EPHA5: variants seen among roughly 807,000 people sequenced by gnomAD.
The protein encoded by EPHA5 is ephrin type-A receptor 5.
In EPHA5, 60 loss-of-function variants were observed where a neutral mutation model predicts 105.0. The ratio of observed to expected loss-of-function variants is 0.57; its 90% CI spans 0.46 to 0.71. The LOEUF is 0.71. Among genes scored for constraint, EPHA5 ranks in the 30% least tolerant of loss-of-function variants. The probability of loss-of-function intolerance (pLI) is 0.00; values close to 1 mark genes in which losing one functional copy is unlikely to be tolerated. For synonymous variants in EPHA5, 513 were observed against 449.1 expected (o/e 1.14, Z -1.80); for missense variants, 1,218 against 1,274.7 (o/e 0.96, Z 0.68).
chr4:65,410,784 A>G (rs1393546267), intron 7 of EPHA5, among the ~76,000 whole-genome samples: 1 of 152,212 alleles, frequency 6.6e-6, no homozygotes, highest in Non-Finnish European at 1.5e-5. Context: ...TAAAAAACAC[A>G]ATATCATTAT....
intron 14 of EPHA5, among the ~76,000 whole-genome samples, chr4:65,344,686 T>C (rs867821611): frequency 6.6e-6 from 1 of 152,130 alleles, no homozygotes; most frequent in Non-Finnish European, 1.5e-5. Context: ...GGCATTGCAA[T>C]GAGGTTTAGA....
At chr4:65,594,011 A>T (rs1742930921) in intron 3 of EPHA5, among the ~76,000 whole-genome samples, 1 of 152,166 alleles carries the variant, frequency 6.6e-6, no homozygotes, top group South Asian at 2.1e-4. Context: ...CTCTGTACAC[A>T]CTTTTCCCAT....
intron 3 of EPHA5, among the ~76,000 whole-genome samples, chr4:65,588,694 G>A (rs1033918375): frequency 2.0e-5 from 3 of 152,036 alleles, no homozygotes; most frequent in Admixed American, 2.0e-4. Flanking sequence ...TGCCTGGTTG[G>A]TCTGGTTTAT....
intron 3 of EPHA5, among the ~76,000 whole-genome samples, chr4:65,497,773 C>T (rs1387008600): frequency 1.3e-5 from 2 of 151,906 alleles, no homozygotes; most frequent in Non-Finnish European, 2.9e-5. Context: ...CCAAAGGGAG[C>T]TTTGGAAATA....
At chr4:65,487,534 A>G (rs1041772121) in intron 5 of EPHA5, among the ~76,000 whole-genome samples, 5 of 152,068 alleles carry the variant, frequency 3.3e-5, no homozygotes, top group East Asian at 1.9e-4. Context: ...AAGACCTTTG[A>G]TTGGTGTTCA....
intron 7 of EPHA5, among the ~76,000 whole-genome samples, chr4:65,412,078 C>T (rs950883484): frequency 6.6e-6 from 1 of 151,986 alleles, no homozygotes; most frequent in Non-Finnish European, 1.5e-5. Context: ...AAAATGCAAA[C>T]TTAGCCAGGC....
chr4:65,593,795 G>A (rs182238438), intron 3 of EPHA5, among the ~76,000 whole-genome samples: 2 of 152,170 alleles, frequency 1.3e-5, no homozygotes, highest in African/African-American at 4.8e-5. Context: ...GCCCAATGCC[G>A]TTAATCTGCT....
In EPHA5 at chr4:65,490,587, A is replaced by C. The variant is rs764464416; in HGVS notation, c.1192T>G (p.Cys398Gly). ...DVSYYIACKK[C>G]NSHAGVCEEC... ...TCACACACACCTGCATGGGAGTTGC[A>C]CTTCTTGCATGCAATATAATATGAC... is the stretch of plus-strand genomic sequence containing the variant. Residue 398 changes from cysteine (C) to glycine (G), a missense_variant, in exon 5 of 17, where the codon TGC becomes GGC. Around this residue, in one of 3 missense-constraint regions of EPHA5, gnomAD observed 971 missense variants for 1,013.5 expected, o/e 0.96. Transcript: ENST00000613740. The C allele has an allele frequency of 1.2e-6, 2 of 1,614,132 alleles. No homozygotes were observed. Among genetic ancestry groups the C allele is most frequent in the Non-Finnish European group, 1.7e-6 (2 of 1,180,006 alleles).
chr4:65,378,301 C>T (rs1719207832), intron 8 of EPHA5, among the ~76,000 whole-genome samples: 1 of 151,698 alleles, frequency 6.6e-6, no homozygotes, highest in Admixed American at 6.6e-5. Flanking sequence ...AAGAATATGC[C>T]AAATCATTAT....
chr4:65,408,890 C>T (rs1366440529), intron 7 of EPHA5, among the ~76,000 whole-genome samples: 2 of 152,008 alleles, frequency 1.3e-5, no homozygotes, highest in Admixed American at 6.6e-5. Context: ...CACATGCACA[C>T]ATATGTTTAT....
intron 8 of EPHA5, among the ~76,000 whole-genome samples, chr4:65,396,106 G>T (rs1470097578): frequency 1.3e-5 from 2 of 152,186 alleles, no homozygotes; most frequent in Non-Finnish European, 2.9e-5. Flanking sequence ...AGGCTCAGAC[G>T]TGCCTGCTCC....
intron 3 of EPHA5, among the ~76,000 whole-genome samples, chr4:65,515,177 T>C (rs1274408022): frequency 6.6e-6 from 1 of 152,178 alleles, no homozygotes; most frequent in Non-Finnish European, 1.5e-5. Context: ...ATTAAACATA[T>C]TCAACTGTCT....
Position 65,580,945 on chromosome 4 carries a change from G to A in EPHA5, c.910+20696C>T, listed in dbSNP as rs142048034. On this transcript the variant is annotated intron_variant, in intron 3 of 16. Coordinates refer to ENST00000613740, the MANE Select transcript of EPHA5 (RefSeq NM_001281766.3). ...ATCCCAAGTAATTACAAGAGATTTC[G>A]AAAATGTAGTGTAATTCAGGTTTTC... 2.3e-3 allele frequency among the ~76,000 whole-genome samples: 345 copies of A among 151,838 alleles called. 4 individuals carry two copies. Among genetic ancestry groups the A allele is most frequent in the African/African-American group, 7.4e-3 (308 of 41,516 alleles).
intron 8 of EPHA5, among the ~76,000 whole-genome samples, chr4:65,394,569 A>G (rs1721032049): frequency 1.3e-5 from 2 of 152,182 alleles, no homozygotes; most frequent in Non-Finnish European, 2.9e-5. Context: ...AGTATGCTCA[A>G]TTGAGAGAAC....
At chr4:65,537,550 C>G (rs1041466227) in intron 3 of EPHA5, among the ~76,000 whole-genome samples, 1 of 151,676 alleles carries the variant, frequency 6.6e-6, no homozygotes, top group Non-Finnish European at 1.5e-5. Flanking sequence ...CTCAATATAT[C>G]TTTTAGTTTA....
At chr4:65,384,972 C>G (rs1390794543) in intron 8 of EPHA5, among the ~76,000 whole-genome samples, 1 of 151,624 alleles carries the variant, frequency 6.6e-6, no homozygotes, top group African/African-American at 2.4e-5. Context: ...TGAAACACGT[C>G]TGTCTCGGGG....
rs1379793295 is a variant in EPHA5 at position 65,632,267 on chromosome 4, T to C, written c.246+11096A>G. 2.0e-5 allele frequency among the ~76,000 whole-genome samples: 3 copies of C among 152,032 alleles called. No individual in the cohort carries two copies. In the East Asian group the frequency reaches 5.8e-4, roughly 29 times the overall value. Reference sequence around the variant, plus strand: ...TATACATTAGTAAATTGGATCAAACTCAATGGAGGAGTAGCCCCATTGTTG... The same window carrying C: ...TATACATTAGTAAATTGGATCAAACCCAATGGAGGAGTAGCCCCATTGTTG... On this transcript the variant is annotated intron_variant, in intron 2 of 16. Transcript: ENST00000613740.
intron 1 of EPHA5, among the ~76,000 whole-genome samples, chr4:65,654,062 A>G (rs558340254): frequency 6.6e-6 from 1 of 152,118 alleles, no homozygotes; most frequent in Non-Finnish European, 1.5e-5. Context: ...TGCTGCTGAC[A>G]TGGCTATCGG....
chr4:65,381,355 T>C (rs1719541962), intron 8 of EPHA5, among the ~76,000 whole-genome samples: 1 of 151,774 alleles, frequency 6.6e-6, no homozygotes, highest in Non-Finnish European at 1.5e-5. Context: ...CATAGGCATA[T>C]GTCAAATGTG....
Sources: allele counts gnomAD v4.1 joint callset (sites outside exome capture counted in the v4.1 genomes callset), GRCh38; gene constraint gnomAD v4.1.1; regional missense constraint gnomAD v4.1.1; transcripts MANE v1.5; gene names NCBI Gene and HGNC (gene_info 2026-07-23, HGNC 2026-07-21).